Variants in OXCT1 observed in about 807,000 individuals in gnomAD.
The protein encoded by OXCT1 is 3-oxoacid CoA-transferase 1, also known as succinyl-CoA:3-ketoacid coenzyme A transferase 1, mitochondrial.
In OXCT1, 27 loss-of-function variants were observed where a neutral mutation model predicts 69.6. The ratio of observed to expected loss-of-function variants is 0.39; its 90% CI spans 0.29 to 0.54. The LOEUF is 0.54. Ranked by LOEUF, OXCT1 falls within the 20% of genes least tolerant of loss-of-function variation. The pLI, the probability that OXCT1 is intolerant of heterozygous loss-of-function variation, is 0.72. For synonymous variants in OXCT1, 202 were observed against 217.8 expected (o/e 0.93, Z 0.64); for missense variants, 437 against 650.2 (o/e 0.67, Z 3.57).
rs147844836 is a variant in OXCT1, at chr5:41,815,040, T to TA, written c.733-7603dup. Among the ~76,000 whole-genome samples the TA allele has an allele frequency of 2.6e-5, 4 of 152,168 alleles. No homozygotes were observed. In the East Asian group the frequency reaches 7.7e-4, roughly 29 times the overall value. ...TAAAACGCAGGATGTGAAAAATGGA[T>TA]AAAACACTCTGAACTCTAGAGGAAA... On this transcript the variant is annotated intron_variant, in intron 7 of 16. Transcript: ENST00000196371.
intron 6 of OXCT1, 52 bp downstream of exon 6, chr5:41,842,623 C>A: frequency 8.2e-7 from 1 of 1,218,916 alleles, no homozygotes; most frequent in South Asian, 1.2e-5. Flanking sequence ...ACTCTGATGT[C>A]CATTTTTAGA....
At chr5:41,824,714 A>AC (rs1192511147) in intron 7 of OXCT1, among the ~76,000 whole-genome samples, 1 of 152,180 alleles carries the variant, frequency 6.6e-6, no homozygotes, top group Non-Finnish European at 1.5e-5. Context: ...ACTTAATACT[A>AC]CTTTTATTTC....
At chr5:41,752,861 G>A (rs1217226581) in intron 14 of OXCT1, among the ~76,000 whole-genome samples, 1 of 151,982 alleles carries the variant, frequency 6.6e-6, no homozygotes, top group Admixed American at 6.6e-5. Context: ...CTTCTTTCCT[G>A]CATCAGCTTC....
chr5:41,864,401 C>G (rs986715029), intron 1 of OXCT1, among the ~76,000 whole-genome samples: 4 of 152,194 alleles, frequency 2.6e-5, no homozygotes, highest in African/African-American at 9.7e-5. Flanking sequence ...CAGCACACTG[C>G]TCAAACCCTG....
intron 7 of OXCT1, among the ~76,000 whole-genome samples, chr5:41,816,397 A>T (rs1197470066): frequency 6.6e-6 from 1 of 152,210 alleles, no homozygotes; most frequent in Non-Finnish European, 1.5e-5. Flanking sequence ...TCACATTTCA[A>T]CTATGACTTT....
intron 12 of OXCT1, 134 bp downstream of exon 12, chr5:41,794,543 T>C: frequency 1.3e-6 from 1 of 793,220 alleles, no homozygotes; most frequent in Admixed American, 2.2e-5. Flanking sequence ...TTTCACACCC[T>C]GCAGCCGAAC....
rs962671139 is a variant in OXCT1, at chr5:41,789,190, T to C, written c.1248+4813A>G. On this transcript the variant is annotated intron_variant, in intron 13 of 16. Transcript: ENST00000196371. ...GTAAAGGGCCAAACGGTAAATATTT[T>C]AGGCTTTGCAAGCCACACAGTTTCT... is the stretch of plus-strand genomic sequence containing the variant. Among the ~76,000 whole-genome samples, 7 of 152,332 alleles carry C rather than the reference T, an allele frequency of 4.6e-5. No homozygotes were observed. In the South Asian group the frequency reaches 1.0e-3, roughly 23 times the overall value.
intron 7 of OXCT1, among the ~76,000 whole-genome samples, chr5:41,814,815 T>C (rs543329748): frequency 1.3e-5 from 2 of 151,868 alleles, no homozygotes; most frequent in South Asian, 4.2e-4. Flanking sequence ...GCATGTCACA[T>C]GTATACATAT....
At chr5:41,772,004 G>A (rs949299029) in intron 13 of OXCT1, among the ~76,000 whole-genome samples, 7 of 152,096 alleles carry the variant, frequency 4.6e-5, no homozygotes, top group Admixed American at 2.0e-4. Flanking sequence ...ATACTTTTAG[G>A]AGGTCTCCAA....
At chr5:41,796,819 G>T (rs966062056) in intron 11 of OXCT1, among the ~76,000 whole-genome samples, 58 of 152,304 alleles carry the variant, frequency 3.8e-4, no homozygotes, top group African/African-American at 1.3e-3. Context: ...GCCTGGCACA[G>T]AGAAAGGGCT....
At position 41,813,183 on chromosome 5, in the gene OXCT1, A is replaced by G. The variant is rs373100696; in HGVS notation, c.733-5745T>C. On this transcript the variant is annotated intron_variant, in intron 7 of 16. Transcript: ENST00000196371. ...ATAAGAGTCTTATAGACATAGCAGG[A>G]AAATGTGACTTGAGCTCATTCACTT... is the stretch of plus-strand genomic sequence containing the variant. 9.9e-5 allele frequency among the ~76,000 whole-genome samples: 15 copies of G among 152,198 alleles called. 1 individual carries two copies. Among genetic ancestry groups the G allele is most frequent in the African/African-American group, 3.4e-4 (14 of 41,560 alleles).
Position 41,863,682 on chromosome 5 carries a change from T to A in OXCT1, c.79-932A>T, listed in dbSNP as rs1403653665. 3.9e-5 allele frequency among the ~76,000 whole-genome samples: 6 copies of A among 152,182 alleles called. No individual in the cohort carries two copies. In the East Asian group the frequency reaches 1.2e-3, roughly 29 times the overall value. ...AAAAGAATGAAAGTAGAAAGAAAAG[T>A]CCATATACTGGAATTCAAATTCATA... On this transcript the variant is annotated intron_variant, in intron 1 of 16. Transcript: ENST00000196371.
chr5:41,840,414 A>C (rs976250373), intron 7 of OXCT1, 37 bp downstream of exon 7: 26 of 1,462,116 alleles, frequency 1.8e-5, no homozygotes, highest in Non-Finnish European at 2.5e-5. Flanking sequence ...CATCAAGTTA[A>C]ATAATTAACA....
At chr5:41,807,242 CT>C in intron 8 of OXCT1, 88 bp downstream of exon 8, 1 of 771,108 alleles carries the variant, frequency 1.3e-6, no homozygotes. Flanking sequence ...CTGCTCAGCT[CT>C]AGTTCCCCAT....
intron 15 of OXCT1, among the ~76,000 whole-genome samples, chr5:41,748,431 G>T (rs1743612881): frequency 6.6e-6 from 1 of 151,866 alleles, no homozygotes; most frequent in Non-Finnish European, 1.5e-5. Context: ...CAACCAACAG[G>T]GTAAAAGATT....
At chr5:41,819,719 T>C (rs1747453594) in intron 7 of OXCT1, among the ~76,000 whole-genome samples, 1 of 151,712 alleles carries the variant, frequency 6.6e-6, no homozygotes, top group African/African-American at 2.4e-5. Context: ...AATTGTTAAT[T>C]ATTTTGTGAG....
At chr5:41,859,907 T>TATGTAATATATATATATATATAC (rs1304074270) in intron 3 of OXCT1, among the ~76,000 whole-genome samples, 13 of 138,464 alleles carry the variant, frequency 9.4e-5, no homozygotes, top group Non-Finnish European at 1.9e-4. Context: ...TATATATATA[T>TATGTAATATATATATATATATAC]ACACACACAC....
intron 7 of OXCT1, among the ~76,000 whole-genome samples, chr5:41,838,300 C>G (rs898232964): frequency 2.6e-5 from 4 of 152,156 alleles, no homozygotes; most frequent in Non-Finnish European, 4.4e-5. Context: ...GGCACTAACC[C>G]CAATTCCAAA....
intron 2 of OXCT1, among the ~76,000 whole-genome samples, 167 bp downstream of exon 2, chr5:41,862,475 C>T (rs1369819779): frequency 6.6e-6 from 1 of 151,838 alleles, no homozygotes; most frequent in African/African-American, 2.4e-5. Flanking sequence ...CCTTGCTAAA[C>T]TTTTAGGAAG....
Sources: allele counts gnomAD v4.1 joint callset (sites outside exome capture counted in the v4.1 genomes callset), GRCh38; gene constraint gnomAD v4.1.1; transcripts MANE v1.5; gene names NCBI Gene and HGNC (gene_info 2026-07-23, HGNC 2026-07-21).